Variants in SRGAP3 observed in about 807,000 individuals in gnomAD.
The protein encoded by SRGAP3 is SLIT-ROBO Rho GTPase activating protein 3.
Under a neutral mutation model 121.1 loss-of-function variants are expected in SRGAP3, and 39 were observed. The ratio of observed to expected loss-of-function variants is 0.32; its 90% CI spans 0.25 to 0.42. The LOEUF (loss-of-function observed/expected upper bound fraction) is 0.42, where lower values mean the gene tolerates loss of function less well. SRGAP3 is among the 10% of genes least tolerant of loss of function. The probability of loss-of-function intolerance (pLI) is 1.00; values close to 1 mark genes in which losing one functional copy is unlikely to be tolerated. For missense variants in SRGAP3, 1,213 were observed against 1,470.6 expected (o/e 0.82, Z 2.86); for synonymous variants, 601 against 570.0 (o/e 1.05, Z -0.77).
intron 15 of SRGAP3, among the ~76,000 whole-genome samples, chr3:9,015,008 T>A (rs113238899): frequency 5.9e-5 from 9 of 152,114 alleles, no homozygotes; most frequent in African/African-American, 2.2e-4. Context: ...CCTGATTTTA[T>A]CCACAGAAAC....
chr3:9,121,522 G>A (rs6781236), intron 2 of SRGAP3, among the ~76,000 whole-genome samples: 68,840 of 152,014 alleles, frequency 0.45, 15,826 homozygotes, highest in Middle Eastern at 0.55. Context: ...TTAGCATCGT[G>A]CAGAGGGCCC....
chr3:9,022,433 G>A (rs557930468), intron 14 of SRGAP3, among the ~76,000 whole-genome samples: 17 of 152,362 alleles, frequency 1.1e-4, no homozygotes, highest in African/African-American at 3.4e-4. Context: ...GGGATGTGAA[G>A]AGTGGGCGAG....
chr3:9,281,767 G>T (rs949559819), intron 3 of SRGAP3, among the ~76,000 whole-genome samples: 1 of 152,066 alleles, frequency 6.6e-6, no homozygotes, highest in Non-Finnish European at 1.5e-5. Flanking sequence ...CCACCATCCG[G>T]GTTCAAGCGA....
At chr3:9,175,062 C>CG (rs2125107464) in intron 1 of SRGAP3, among the ~76,000 whole-genome samples, 1 of 152,224 alleles carries the variant, frequency 6.6e-6, no homozygotes, top group South Asian at 2.1e-4. Context: ...CGAAACTCCC[C>CG]GGGATGCTTA....
At chr3:9,003,479 A>AAAATAAAC (rs1553636550) in intron 18 of SRGAP3, among the ~76,000 whole-genome samples, 1 of 149,914 alleles carries the variant, frequency 6.7e-6, no homozygotes, top group Admixed American at 6.6e-5. Flanking sequence ...ATTCCATCTC[A>AAAATAAAC]AAACAAACAA....
intron 1 of SRGAP3, among the ~76,000 whole-genome samples, chr3:9,347,805 A>C (rs1031606872): frequency 7.2e-5 from 11 of 152,200 alleles, no homozygotes; most frequent in Admixed American, 5.9e-4. Flanking sequence ...TCTGATTTCC[A>C]CCAGCCCAAC....
chr3:9,349,946 C>G (rs759327119), intron 1 of SRGAP3: 4 of 152,124 alleles, frequency 2.6e-5, no homozygotes, highest in Non-Finnish European at 5.9e-5. Context: ...CCAAGTGTGT[C>G]TCTCTCTGAC....
intron 1 of SRGAP3, chr3:9,236,214 A>G (rs569821285): frequency 1.1e-4 from 19 of 177,444 alleles, no homozygotes; most frequent in African/African-American, 3.5e-4. Context: ...GAGAGCTTCT[A>G]TTCATCCTTC....
intron 1 of SRGAP3, among the ~76,000 whole-genome samples, chr3:9,357,028 C>T (rs1362309244): frequency 2.6e-5 from 4 of 151,810 alleles, no homozygotes; most frequent in African/African-American, 9.7e-5. Context: ...TTTGCAAGGC[C>T]AAGGCAGGCA....
At position 8,984,096 on chromosome 3, in the gene SRGAP3, A is replaced by G. The variant is rs1419338829; in HGVS notation, c.*1423T>C. On this transcript the variant is annotated 3_prime_UTR_variant, in exon 22 of 22. Transcript: ENST00000383836. ...CCCGGAAGGGCTTTACTTGGCCAAG[A>G]GGCAAAGGCCTGGCTGTCACACGTG... The G allele has an allele frequency of 1.3e-5, 3 of 232,018 alleles. No individual in the cohort carries two copies. Among genetic ancestry groups the G allele is most frequent in the Non-Finnish European group, 8.5e-6 (1 of 117,336 alleles). The allele number at this position is 232,018 out of a possible 1,614,324, so 14.4% of individuals were successfully genotyped here.
intron 1 of SRGAP3, among the ~76,000 whole-genome samples, chr3:9,190,345 T>C (rs1416615548): frequency 1.3e-5 from 2 of 152,182 alleles, no homozygotes; most frequent in African/African-American, 4.8e-5. Context: ...AGGCAGGAGA[T>C]GAGAACAGGC....
At chr3:9,279,639 G>T (rs781261438) in intron 3 of SRGAP3, among the ~76,000 whole-genome samples, 1 of 149,284 alleles carries the variant, frequency 6.7e-6, no homozygotes, top group Non-Finnish European at 1.5e-5. Context: ...TCAGCCTCCC[G>T]AGTACCTGGG....
At chr3:9,221,626 C>T (rs1044887276) in intron 1 of SRGAP3, among the ~76,000 whole-genome samples, 3 of 152,146 alleles carry the variant, frequency 2.0e-5, no homozygotes, top group African/African-American at 4.8e-5. Context: ...ACACTCCCAC[C>T]CAGACTGCAT....
At chr3:9,049,649 C>T (rs1424500559) in intron 9 of SRGAP3, among the ~76,000 whole-genome samples, 1 of 152,188 alleles carries the variant, frequency 6.6e-6, no homozygotes, top group African/African-American at 2.4e-5. Flanking sequence ...ACTGTCAACA[C>T]GCAAATTCCT....
intron 1 of SRGAP3, among the ~76,000 whole-genome samples, chr3:9,222,009 G>T (rs926480201): frequency 1.3e-5 from 2 of 152,188 alleles, no homozygotes; most frequent in South Asian, 2.1e-4. Context: ...GAAACCGCCT[G>T]CCCCATCCAC....
intron 3 of SRGAP3, among the ~76,000 whole-genome samples, chr3:9,265,976 T>G (rs1954354375): frequency 1.3e-5 from 2 of 152,168 alleles, no homozygotes; most frequent in Admixed American, 1.3e-4. Flanking sequence ...CCAACCCAAA[T>G]GCTCATCAAT....
chr3:9,274,440 G>C (rs968170914), intron 3 of SRGAP3, among the ~76,000 whole-genome samples: 1 of 152,166 alleles, frequency 6.6e-6, no homozygotes, highest in African/African-American at 2.4e-5. Flanking sequence ...AGGAGCCAGG[G>C]CGAGTACTTT....
chr3:9,307,781 T>C (rs1955181798), intron 3 of SRGAP3, among the ~76,000 whole-genome samples: 2 of 152,168 alleles, frequency 1.3e-5, no homozygotes, highest in Admixed American at 1.3e-4. Context: ...TTAATCAGAA[T>C]TGCAAAAGTT....
At chr3:9,134,993 A>T (rs1224286306) in intron 1 of SRGAP3, among the ~76,000 whole-genome samples, 2 of 152,220 alleles carry the variant, frequency 1.3e-5, no homozygotes, top group African/African-American at 4.8e-5. Flanking sequence ...TGAGAATGGT[A>T]TGTGTTAATG....
Sources: allele counts gnomAD v4.1 joint callset (sites outside exome capture counted in the v4.1 genomes callset), GRCh38; gene constraint gnomAD v4.1.1; transcripts MANE v1.5; gene names NCBI Gene and HGNC (gene_info 2026-07-23, HGNC 2026-07-21).